Variants in PPP1CC observed in about 807,000 individuals in gnomAD.
PPP1CC encodes serine/threonine-protein phosphatase PP1-gamma catalytic subunit.
A neutral mutation model predicts 38.4 loss-of-function variants in PPP1CC; 16 were observed. That is an observed-to-expected ratio of 0.42 (90% CI 0.28 to 0.63). PPP1CC has a LOEUF of 0.63. Among genes scored for constraint, PPP1CC ranks in the 30% least tolerant of loss-of-function variants. PPP1CC has a pLI of 0.25. For missense variants in PPP1CC, 170 were observed against 391.3 expected (o/e 0.43, Z 4.77); for synonymous variants, 158 against 136.0 (o/e 1.16, Z -1.13).
At chr12:110,723,443 C>A (rs2069761646) in intron 4 of PPP1CC, among the ~76,000 whole-genome samples, 2 of 152,276 alleles carry the variant, frequency 1.3e-5, no homozygotes, top group South Asian at 4.1e-4. Context: ...ATTCTCTTTG[C>A]AATTACTATT....
chr12:110,725,560 A>G (rs2069788999), intron 3 of PPP1CC: 2 of 152,320 alleles, frequency 1.3e-5, no homozygotes, highest in Non-Finnish European at 1.5e-5. Context: ...TTCCCTCAAC[A>G]GCACAGGCAT....
At chr12:110,709,628 G>A in the PPP1CC span, among the ~76,000 whole-genome samples, 2,618 of 150,578 alleles carry the variant, frequency 0.017, 82 homozygotes, top group African/African-American at 0.06. Flanking sequence ...GTGTGATCTC[G>A]GCTCACTGCA....
intron 1 of PPP1CC, chr12:110,734,575 T>A (rs2069919833): frequency 6.5e-6 from 1 of 153,676 alleles, no homozygotes. Flanking sequence ...ACTCCCGACC[T>A]CAGGTGATCC....
downstream of PPP1CC, among the ~76,000 whole-genome samples, chr12:110,717,836 T>C (rs2069699732): frequency 6.6e-6 from 1 of 152,194 alleles, no homozygotes; most frequent in Non-Finnish European, 1.5e-5. Flanking sequence ...ACATGGCCCT[T>C]GTCTCCGTGT....
At chr12:110,709,912 G>A in the PPP1CC span, among the ~76,000 whole-genome samples, 1 of 142,330 alleles carries the variant, frequency 7.0e-6, no homozygotes, top group Non-Finnish European at 1.5e-5. Flanking sequence ...CAAGTGGATT[G>A]TGAAAAACAA....
intron 3 of PPP1CC, among the ~76,000 whole-genome samples, chr12:110,729,368 T>C (rs1229391417): frequency 6.6e-6 from 1 of 152,102 alleles, no homozygotes; most frequent in African/African-American, 2.4e-5. Flanking sequence ...CTAATTTTTG[T>C]ATTTTTAGTA....
In PPP1CC at chr12:110,720,955, G is replaced by T; in HGVS notation, c.*121C>A. The T allele has an allele frequency of 1.4e-6, 1 of 737,232 alleles. No homozygotes were observed. Among genetic ancestry groups the T allele is most frequent in the Non-Finnish European group, 2.2e-6 (1 of 463,018 alleles). 45.7% of individuals were successfully genotyped at this position (737,232 alleles called of 1,614,324 possible). A position where few individuals can be genotyped will look rare whatever the true frequency, so the allele number is the denominator to read the frequency against. Reference sequence around the variant, plus strand: ...GCCATTCACTAAATCAAAAATGGAAGGAAGGGCCCCCACAAACACAGATCT... The same window carrying T: ...GCCATTCACTAAATCAAAAATGGAATGAAGGGCCCCCACAAACACAGATCT... On this transcript the variant is annotated 3_prime_UTR_variant, in exon 7 of 7. Coordinates refer to ENST00000335007, the MANE Select transcript of PPP1CC (RefSeq NM_002710.4).
downstream of PPP1CC, among the ~76,000 whole-genome samples, chr12:110,715,911 G>A (rs1287203108): frequency 6.6e-6 from 1 of 150,600 alleles, no homozygotes; most frequent in Non-Finnish European, 1.5e-5. Context: ...GTGAGCCACC[G>A]TGCCCGGCCA....
intron 3 of PPP1CC, among the ~76,000 whole-genome samples, chr12:110,727,941 G>A (rs2069820364): frequency 6.6e-6 from 1 of 152,146 alleles, no homozygotes; most frequent in Non-Finnish European, 1.5e-5. Context: ...GATCTTCTAA[G>A]TCATTTTTTA....
chr12:110,716,783 T>C (rs997238723), downstream of PPP1CC, among the ~76,000 whole-genome samples: 2 of 152,274 alleles, frequency 1.3e-5, no homozygotes, highest in African/African-American at 2.4e-5. Context: ...TTTGAAATTA[T>C]TGGAATACTT....
At chr12:110,731,104 A>G (rs770955271) in intron 2 of PPP1CC, among the ~76,000 whole-genome samples, 1 of 152,154 alleles carries the variant, frequency 6.6e-6, no homozygotes, top group African/African-American at 2.4e-5. Flanking sequence ...GATCTCTGAC[A>G]GCTCAGTCTC....
intron 1 of PPP1CC, among the ~76,000 whole-genome samples, chr12:110,740,095 A>G (rs2136570364): frequency 6.6e-6 from 1 of 152,336 alleles, no homozygotes; most frequent in Non-Finnish European, 1.5e-5. Context: ...GTTTTTCTTA[A>G]GACTTCACTT....
At chr12:110,726,798 TAAAAA>T (rs1005845287) in intron 3 of PPP1CC, 14 of 151,996 alleles carry the variant, frequency 9.2e-5, no homozygotes, top group Non-Finnish European at 1.5e-5. Flanking sequence ...ATTCCAAAAT[TAAAAA>T]CAAAAACAAA....
intron 1 of PPP1CC, among the ~76,000 whole-genome samples, chr12:110,737,304 C>T (rs746259917): frequency 1.7e-4 from 26 of 150,558 alleles, no homozygotes; most frequent in South Asian, 1.1e-3. Context: ...ATGGTAAAAC[C>T]CCATCTCTAC....
the PPP1CC span, among the ~76,000 whole-genome samples, chr12:110,711,763 T>C: frequency 1.3e-5 from 2 of 151,618 alleles, no homozygotes; most frequent in African/African-American, 4.9e-5. Flanking sequence ...CCATCTGTAC[T>C]AAAAATACAA....
rs191227543 is a variant in PPP1CC, at chr12:110,726,998, C to T, written c.419-2234G>A. ...GCATCACCTAGGGGGAATGAAGCGA[C>T]GCAATCTTGGCTCACTGCAACCATG... On this transcript the variant is annotated intron_variant, in intron 3 of 6. Transcript: ENST00000335007. Among the ~76,000 whole-genome samples the T allele has an allele frequency of 1.0e-3, 158 of 152,256 alleles. 1 individual carries two copies. Among genetic ancestry groups the T allele is most frequent in the Middle Eastern group, 6.8e-3 (2 of 294 alleles).
chr12:110,740,995 T>A (rs2070010968), intron 1 of PPP1CC, among the ~76,000 whole-genome samples: 1 of 152,206 alleles, frequency 6.6e-6, no homozygotes. Flanking sequence ...CAGCAAACTA[T>A]TTTAATCAGT....
chr12:110,739,293 G>A (rs960972323), intron 1 of PPP1CC, among the ~76,000 whole-genome samples: 1 of 151,986 alleles, frequency 6.6e-6, no homozygotes, highest in African/African-American at 2.4e-5. Flanking sequence ...GGGTGACAGA[G>A]TGAGACTCTG....
chr12:110,723,653 G>T (rs2069763955), intron 4 of PPP1CC, among the ~76,000 whole-genome samples: 1 of 152,138 alleles, frequency 6.6e-6, no homozygotes, highest in Admixed American at 6.5e-5. Flanking sequence ...ACGGCTACAG[G>T]TGTGCACCAT....
Sources: gnomAD v4.1 joint callset for allele counts (sites outside exome capture counted in the v4.1 genomes callset) on GRCh38, gnomAD v4.1.1 for gene constraint, MANE v1.5 for transcripts, NCBI Gene and HGNC (gene_info 2026-07-23, HGNC 2026-07-21) for gene names.